TPTE2: variants seen among roughly 807,000 people sequenced by gnomAD.
TPTE2 encodes the protein transmembrane phosphoinositide 3-phosphatase and tensin homolog 2, also known as phosphatidylinositol 3,4,5-trisphosphate 3-phosphatase TPTE2.
TPTE2 carries 53 observed loss-of-function variants against 78.6 expected under a neutral mutation model. The ratio of observed to expected loss-of-function variants is 0.67; its 90% confidence interval spans 0.54 to 0.85. The LOEUF is 0.85. Ranked by LOEUF, TPTE2 falls within the 40% of genes least tolerant of loss-of-function variation. The probability of loss-of-function intolerance (pLI) is 0.00; values close to 1 mark genes in which losing one functional copy is unlikely to be tolerated. For synonymous variants in TPTE2, 175 were observed against 206.2 expected (o/e 0.85, Z 1.30); for missense variants, 461 against 623.0 (o/e 0.74, Z 2.77).
At chr13:19,494,765 C>T (rs1371757521) in intron 1 of TPTE2, among the ~76,000 whole-genome samples, 1 of 152,100 alleles carries the variant, frequency 6.6e-6, no homozygotes, top group African/African-American at 2.4e-5. Flanking sequence ...TGATGACTCC[C>T]GCCAGGGCAT....
chr13:19,534,369 T>A (rs1419979946), intron 1 of TPTE2, among the ~76,000 whole-genome samples: 1 of 152,212 alleles, frequency 6.6e-6, no homozygotes, highest in Non-Finnish European at 1.5e-5. Context: ...ACCGTCTGTA[T>A]ATGAAACGCT....
chr13:19,430,664 A>G (rs1306790426), intron 16 of TPTE2, 117 bp from the exon 20 acceptor site: 2 of 664,092 alleles, frequency 3.0e-6, no homozygotes, highest in Non-Finnish European at 5.2e-6. Context: ...ACAACGTATC[A>G]ATAGTTACTT....
At chr13:19,503,831 C>T (rs1249577630), upstream of TPTE2, among the ~76,000 whole-genome samples, 2 of 152,172 alleles carry the variant, frequency 1.3e-5, no homozygotes, top group African/African-American at 4.8e-5. Flanking sequence ...AGTTCTGCCT[C>T]CCGGGTTCAC....
chr13:19,482,456 G>A, intron 4 of TPTE2, 32 bp downstream of exon 7: 1 of 1,606,232 alleles, frequency 6.2e-7, no homozygotes, highest in Non-Finnish European at 8.5e-7. Context: ...TCCATCAATG[G>A]CTCCCTCCTT....
intron 1 of TPTE2, among the ~76,000 whole-genome samples, chr13:19,498,056 G>C (rs1881501700): frequency 6.6e-6 from 1 of 150,926 alleles, no homozygotes; most frequent in Admixed American, 6.6e-5. Flanking sequence ...ATCAGCAATG[G>C]AAGATGAAAT....
At chr13:19,470,693 T>C (rs902945961) in intron 6 of TPTE2, among the ~76,000 whole-genome samples, 1 of 150,850 alleles carries the variant, frequency 6.6e-6, no homozygotes, top group Non-Finnish European at 1.5e-5. Context: ...ACCCAGCTAA[T>C]TTTTGTATTT....
intron 1 of TPTE2, among the ~76,000 whole-genome samples, chr13:19,508,373 T>C (rs1184968676): frequency 6.6e-6 from 1 of 152,136 alleles, no homozygotes; most frequent in African/African-American, 2.4e-5. Flanking sequence ...GCAAAACTAC[T>C]GGAACACACT....
intron 4 of TPTE2, among the ~76,000 whole-genome samples, chr13:19,478,838 G>T (rs1045229328): frequency 3.9e-5 from 6 of 152,192 alleles, no homozygotes; most frequent in East Asian, 1.9e-4. Flanking sequence ...CCATAAAAAA[G>T]GATGAGTTCA....
intron 1 of TPTE2, among the ~76,000 whole-genome samples, chr13:19,531,485 C>T (rs1870864700): frequency 6.6e-6 from 1 of 151,468 alleles, no homozygotes; most frequent in South Asian, 2.1e-4. Context: ...AAATTTAAGT[C>T]ATTTATCTTT....
intron 1 of TPTE2, chr13:19,493,715 T>C (rs1458731364): frequency 1.6e-6 from 1 of 607,086 alleles, no homozygotes; most frequent in Non-Finnish European, 3.0e-6. Flanking sequence ...AAAATTGTAA[T>C]GCTTCCCGAT....
intron 16 of TPTE2, among the ~76,000 whole-genome samples, chr13:19,430,892 C>T (rs1365069642): frequency 5.9e-5 from 9 of 151,982 alleles, no homozygotes; most frequent in East Asian, 1.9e-4. Context: ...TTTGGGAGGG[C>T]GAGGTGGGTG....
chr13:19,475,834 T>C (rs557367391), intron 4 of TPTE2, among the ~76,000 whole-genome samples: 20 of 152,318 alleles, frequency 1.3e-4, no homozygotes, highest in Non-Finnish European at 2.2e-4. Context: ...CAGTAAACTT[T>C]GGATGTTTAG....
At chr13:19,504,887 TAGAC>T (rs1192386872), upstream of TPTE2, among the ~76,000 whole-genome samples, 1 of 152,048 alleles carries the variant, frequency 6.6e-6, no homozygotes, top group African/African-American at 2.4e-5. Context: ...TGTGTCTAGA[TAGAC>T]AGAAGTAGTA....
intron 1 of TPTE2, among the ~76,000 whole-genome samples, chr13:19,515,786 C>G (rs1282839733): frequency 1.3e-5 from 2 of 152,096 alleles, no homozygotes; most frequent in African/African-American, 2.4e-5. Context: ...ACATAAGCAG[C>G]CTTATTAAAT....
chr13:19,452,314 GTGTTGAATCAATGGAAGA>G (rs1878235802), intron 10 of TPTE2, among the ~76,000 whole-genome samples: 2 of 152,022 alleles, frequency 1.3e-5, no homozygotes, highest in South Asian at 4.2e-4. Context: ...AGAACTAAAG[GTGTTGAATCAATGGAAGA>G]TCAATAGGCT....
chr13:19,444,927 C>T (rs1877732085), intron 13 of TPTE2, among the ~76,000 whole-genome samples: 1 of 152,114 alleles, frequency 6.6e-6, no homozygotes, highest in Non-Finnish European at 1.5e-5. Flanking sequence ...GATAGCCATA[C>T]ATGAAAAAAG....
At chr13:19,506,689 A>G (rs981583601), upstream of TPTE2, among the ~76,000 whole-genome samples, 2 of 152,260 alleles carry the variant, frequency 1.3e-5, no homozygotes, top group Non-Finnish European at 2.9e-5. Flanking sequence ...AAAAGCTAGC[A>G]AAGAGGTATC....
At chr13:19,504,903 A>G (rs1868897297), upstream of TPTE2, among the ~76,000 whole-genome samples, 4 of 152,034 alleles carry the variant, frequency 2.6e-5, no homozygotes, top group Admixed American at 2.6e-4. Context: ...GAAGTAGTAT[A>G]TCTGCACATA....
chr13:19,490,527 C>T (rs1448024089), intron 3 of TPTE2, among the ~76,000 whole-genome samples: 1 of 152,062 alleles, frequency 6.6e-6, no homozygotes, highest in Admixed American at 6.5e-5. Context: ...ACTCCTAAAC[C>T]TCATCCCCAA....
Sources: gnomAD v4.1 joint callset for allele counts (sites outside exome capture counted in the v4.1 genomes callset) on GRCh38, gnomAD v4.1.1 for gene constraint, MANE v1.5 for transcripts, NCBI Gene and HGNC (gene_info 2026-07-23, HGNC 2026-07-21) for gene names.